Variants in CHRNB4 observed in about 807,000 individuals in gnomAD.
CHRNB4 encodes the protein neuronal acetylcholine receptor subunit beta-4.
In CHRNB4, 23 loss-of-function variants were observed where a neutral mutation model predicts 40.4. The observed-to-expected ratio is 0.57, with a 90% CI of 0.41 to 0.81. CHRNB4 has a LOEUF of 0.81. Among genes scored for constraint, CHRNB4 ranks in the 30% least tolerant of loss-of-function variants. The pLI is 0.00. For missense variants in CHRNB4, 568 were observed against 670.6 expected (o/e 0.85, Z 1.69); for synonymous variants, 285 against 274.4 (o/e 1.04, Z -0.38).
Position 78,647,698 on chromosome 15 carries a change from A to C in CHRNB4, c.46+1681T>G, listed in dbSNP as rs925775629. Reference sequence around the variant, plus strand: ...CGTCTCTACTAAAAATCCAAAAAAAAAAAAAAAAAAAATTAGCCGGGCGTG... The same window carrying C: ...CGTCTCTACTAAAAATCCAAAAAAACAAAAAAAAAAAATTAGCCGGGCGTG... On this transcript the variant is annotated intron_variant and NMD_transcript_variant, in intron 7 of 11. Transcript: ENST00000559849. Among the ~76,000 whole-genome samples the C allele has an allele frequency of 7.4e-5, 11 of 148,638 alleles. No homozygotes were observed. In the East Asian group the frequency reaches 1.6e-3, roughly 21 times the overall value.
chr15:78,651,830 G>C (rs2054174788), intron 6 of CHRNB4, among the ~76,000 whole-genome samples: 1 of 152,204 alleles, frequency 6.6e-6, no homozygotes, highest in Admixed American at 6.5e-5. Context: ...CCAGAAGAAG[G>C]CCTGCTTCCT....
At position 78,629,682 on chromosome 15, in the gene CHRNB4, C is replaced by T. The variant is rs2141369697; in HGVS notation, c.623G>A (p.Gly208Glu). The T allele has an allele frequency of 6.2e-7, 1 of 1,614,086 alleles. No homozygotes were observed. Among genetic ancestry groups the T allele is most frequent in the East Asian group, 2.2e-5 (1 of 44,870 alleles). ...GTCTTGTGGGTTCACTGTCCTTCTC[C>T]CTGGGAGGGCCACTATGTCCCACTC... ...SGEWDIVALP[G>E]RRTVNPQDPS... The change falls in exon 5 of 6, where the codon GGG (glycine) becomes GAG (glutamate). Residue 208 changes from glycine (G) to glutamate (E), a missense_variant. Physicochemically the swap from Gly to Glu is moderately conservative, Grantham distance 98. This residue lies in a region of CHRNB4 where 127 missense variants were observed against 167.4 expected (regional missense o/e 0.76). Coordinates refer to ENST00000261751, the MANE Select transcript of CHRNB4 (RefSeq NM_000750.5). The surrounding 1 kb of genome is among the most constrained non-coding windows in gnomAD (Gnocchi z 6.8).
At chr15:78,639,980 T>C (rs928513451) in intron 1 of CHRNB4, among the ~76,000 whole-genome samples, 1 of 152,200 alleles carries the variant, frequency 6.6e-6, no homozygotes, top group Non-Finnish European at 1.5e-5. Flanking sequence ...GAGCTCCACC[T>C]CTTTATAGGA....
chr15:78,630,896 C>G, intron 4 of CHRNB4, 180 bp downstream of exon 4: 1 of 593,506 alleles, frequency 1.7e-6, no homozygotes, highest in Non-Finnish European at 3.0e-6. Flanking sequence ...TCCAACTCCC[C>G]ATCTGTAACT....
At chr15:78,648,845 C>T (rs565214870) in intron 7 of CHRNB4, among the ~76,000 whole-genome samples, 82 of 151,930 alleles carry the variant, frequency 5.4e-4, no homozygotes, top group African/African-American at 1.9e-3. Context: ...GTGGCACAAT[C>T]ACTGCTCACT....
chr15:78,634,279 A>G (rs2053897936), intron 2 of CHRNB4, among the ~76,000 whole-genome samples: 1 of 152,226 alleles, frequency 6.6e-6, no homozygotes, highest in Non-Finnish European at 1.5e-5. Flanking sequence ...GAAGTGCGGC[A>G]GAGCCTCCTG....
chr15:78,630,500 G>C (rs990399252), intron 4 of CHRNB4, among the ~76,000 whole-genome samples: 5 of 152,178 alleles, frequency 3.3e-5, no homozygotes, highest in African/African-American at 1.2e-4. Context: ...AGTCCAGTGA[G>C]GCAGGTTTTA....
At chr15:78,657,630 T>C (rs1227524535) in intron 2 of CHRNB4, among the ~76,000 whole-genome samples, 3 of 150,418 alleles carry the variant, frequency 2.0e-5, no homozygotes, top group African/African-American at 7.3e-5. Context: ...CTCGGCTCAC[T>C]GCAAGCTCAG....
rs760124204 is a variant in CHRNB4, at chr15:78,629,104, C to A, written c.1201G>T (p.Ala401Ser). The change falls in exon 5 of 6, where the codon GCC becomes TCC. Residue 401 changes from alanine (A) to serine (S), a missense_variant. By Grantham distance (99) the Ala-to-Ser change is moderately conservative. Transcript: ENST00000261751. This position sits in a 1 kb window ranked among gnomAD's most constrained non-coding sequence, Gnocchi z 6.8. Reference protein sequence around the residue: ...NPASAASKSPAGSTPVAIPRD... With the variant: ...NPASAASKSPSGSTPVAIPRD... ...GGGATAGCCACCGGGGTAGAGCCGG[C>A]TGGAGACTTGGAAGCTGCAGAGGCG... 6.2e-7 allele frequency: 1 copy of A among 1,614,204 alleles called. No individual in the cohort carries two copies. The highest frequency in any genetic ancestry group is 1.3e-5 in the African/African-American group (1 of 75,048).
chr15:78,652,919 T>C (rs1349989211), intron 5 of CHRNB4, among the ~76,000 whole-genome samples: 1 of 152,084 alleles, frequency 6.6e-6, no homozygotes, highest in East Asian at 1.9e-4. Flanking sequence ...AAACTTATGG[T>C]TGGATTGACT....
At chr15:78,655,823 G>A (rs1334002548) in intron 4 of CHRNB4, among the ~76,000 whole-genome samples, 2 of 152,142 alleles carry the variant, frequency 1.3e-5, no homozygotes, top group African/African-American at 2.4e-5. Context: ...GACAAACTGG[G>A]AAAGAATTAT....
intron 1 of CHRNB4, among the ~76,000 whole-genome samples, chr15:78,637,260 C>T (rs1459573200): frequency 6.6e-6 from 1 of 152,190 alleles, no homozygotes; most frequent in Non-Finnish European, 1.5e-5. Flanking sequence ...TGTCATCTCC[C>T]TCACCTGTCT....
chr15:78,648,805 G>T (rs1404899649), intron 7 of CHRNB4, among the ~76,000 whole-genome samples: 3 of 151,466 alleles, frequency 2.0e-5, no homozygotes, highest in East Asian at 1.9e-4. Flanking sequence ...TTGAGACAGG[G>T]TCTCACTCTG....
In CHRNB4 at chr15:78,633,044, G is replaced by C. The variant is rs1193719985; in HGVS notation, c.205-1712C>G. On this transcript the variant is annotated intron_variant, in intron 2 of 5. Coordinates refer to ENST00000261751, the MANE Select transcript of CHRNB4 (RefSeq NM_000750.5). ...TCGCAGGGTCTACGGGGCCTTGCCA[G>C]GTTTCCCAGCCTCACTTCACCTCCC... 5.9e-5 allele frequency among the ~76,000 whole-genome samples: 9 copies of C among 152,308 alleles called. No individual in the cohort carries two copies. The East Asian group carries it at 7.7e-4, about 13-fold the overall frequency.
Position 78,658,661 on chromosome 15 carries a change from A to G in CHRNB4, c.-850-292T>C, listed in dbSNP as rs181300182. ...TCATTTCATCTTCTTTCCAACTAATAGTTCTTAAGTGCTTCCTGCATACCA... is the reference window on the plus strand; with the variant it reads ...TCATTTCATCTTCTTTCCAACTAATGGTTCTTAAGTGCTTCCTGCATACCA... On this transcript the variant is annotated intron_variant and NMD_transcript_variant, in intron 1 of 11. Transcript: ENST00000559849. Among the ~76,000 whole-genome samples, 714 of 152,310 alleles carry G rather than the reference A, an allele frequency of 4.7e-3. 6 individuals carry two copies. The highest frequency in any genetic ancestry group is 0.016 in the African/African-American group (670 of 41,570).
intron 1 of CHRNB4, among the ~76,000 whole-genome samples, 169 bp downstream of exon 1, chr15:78,640,910 G>A (rs536098191): frequency 7.2e-5 from 11 of 152,148 alleles, no homozygotes; most frequent in Admixed American, 2.0e-4. Context: ...GCCCGCCCCC[G>A]CTGCCTCAGC....
chr15:78,629,369 G>A lies in CHRNB4; in HGVS notation c.936C>T (p.Thr312=), dbSNP rs767853361. ...TMVLVTFSIV[T]SVCVLNVHHR... is the part of the protein sequence containing the mutation. Reference sequence around the variant, plus strand: ...GGTGCACATTGAGCACACAGACGCTGGTGACGATGGAGAAGGTGACCAGCA... The same window carrying A: ...GGTGCACATTGAGCACACAGACGCTAGTGACGATGGAGAAGGTGACCAGCA... Residue 312 remains threonine, a synonymous_variant, in exon 5 of 6, where the codon ACC becomes ACT. Transcript: ENST00000261751. The surrounding 1 kb of genome is among the most constrained non-coding windows in gnomAD (Gnocchi z 6.8). The A allele has an allele frequency of 5.6e-6, 9 of 1,614,038 alleles. No homozygotes were observed. In the East Asian group the frequency reaches 2.0e-4, roughly 36 times the overall value.
chr15:78,628,816 A>G, intron 5 of CHRNB4, 151 bp downstream of exon 5: 1 of 1,033,268 alleles, frequency 9.7e-7, no homozygotes, highest in Non-Finnish European at 1.4e-6. Context: ...AAGCTATAAT[A>G]TTTAACACAA....
exon 4 of CHRNB4, chr15:78,656,570 T>A (rs1351260821): frequency 6.6e-6 from 1 of 152,056 alleles, no homozygotes; most frequent in East Asian, 1.9e-4. Flanking sequence ...AATTTGCTGC[T>A]AAAAACTTTT....
Sources: gnomAD v4.1 joint callset for allele counts (sites outside exome capture counted in the v4.1 genomes callset) on GRCh38, gnomAD v4.1.1 for gene constraint, gnomAD v4.1.1 regional missense constraint, Gnocchi (gnomAD v3.1) non-coding constraint, MANE v1.5 for transcripts, NCBI Gene and HGNC (gene_info 2026-07-23, HGNC 2026-07-21) for gene names.